AFF3: variants seen among roughly 807,000 people sequenced by gnomAD.
The protein encoded by AFF3 is AF4/FMR2 family member 3.
AFF3 carries 32 observed loss-of-function variants against 129.7 expected under a neutral mutation model. The ratio of observed to expected loss-of-function variants is 0.25; its 90% CI spans 0.19 to 0.33. The LOEUF (loss-of-function observed/expected upper bound fraction) is 0.33, where lower values mean the gene tolerates loss of function less well. Ranked by LOEUF, AFF3 falls within the 10% of genes least tolerant of loss-of-function variation. AFF3 has a pLI of 1.00. For synonymous variants in AFF3, 644 were observed against 635.4 expected (o/e 1.01, Z -0.20); for missense variants, 1,373 against 1,592.0 (o/e 0.86, Z 2.34).
intron 1 of AFF3, among the ~76,000 whole-genome samples, chr2:100,135,563 C>A (rs1025222395): frequency 6.6e-6 from 1 of 152,156 alleles, no homozygotes; most frequent in African/African-American, 2.4e-5. Flanking sequence ...AGGCACCAGA[C>A]GTGTGAGTGG....
At chr2:99,579,276 A>G (rs182473000) in intron 17 of AFF3, among the ~76,000 whole-genome samples, 2 of 152,084 alleles carry the variant, frequency 1.3e-5, no homozygotes, top group African/African-American at 2.4e-5. Context: ...GTGGTGATAC[A>G]TGCCTGCAAT....
At chr2:100,026,716 A>T (rs958084898) in intron 4 of AFF3, among the ~76,000 whole-genome samples, 4 of 145,862 alleles carry the variant, frequency 2.7e-5, no homozygotes, top group South Asian at 2.1e-4. Context: ...TATATATATA[A>T]ATATATATAT....
chr2:99,734,855 T>G (rs1185059351), intron 10 of AFF3, among the ~76,000 whole-genome samples: 1 of 152,136 alleles, frequency 6.6e-6, no homozygotes. Flanking sequence ...TTGTCAAGTT[T>G]TGATATCAAG....
intron 10 of AFF3, among the ~76,000 whole-genome samples, chr2:99,730,498 A>G (rs985496946): frequency 2.7e-4 from 41 of 151,682 alleles, no homozygotes; most frequent in South Asian, 2.3e-3. Flanking sequence ...TGCACAGGGA[A>G]GTTTTGCTAT....
chr2:99,959,798 C>T (rs1404653721), intron 7 of AFF3, among the ~76,000 whole-genome samples: 1 of 151,596 alleles, frequency 6.6e-6, no homozygotes, highest in East Asian at 1.9e-4. Flanking sequence ...ACACAGCCCG[C>T]TCTTGCTAAA....
intron 8 of AFF3, among the ~76,000 whole-genome samples, chr2:99,808,631 T>C (rs1033833064): frequency 1.3e-5 from 2 of 152,182 alleles, no homozygotes; most frequent in African/African-American, 4.8e-5. Context: ...ACAAGGCTTA[T>C]TTAACAGAAT....
intron 11 of AFF3, among the ~76,000 whole-genome samples, chr2:99,708,829 C>G (rs1677643611): frequency 6.6e-6 from 1 of 151,898 alleles, no homozygotes; most frequent in Non-Finnish European, 1.5e-5. Context: ...CTAAAGAAAC[C>G]CAGGAGGGCG....
intron 21 of AFF3, 152 bp from the exon 22 acceptor site, chr2:99,559,120 AG>A: frequency 1.6e-6 from 1 of 639,420 alleles, no homozygotes; most frequent in Non-Finnish European, 2.7e-6. Flanking sequence ...AATGTCTGTG[AG>A]GGAACATCTT....
chr2:99,783,775 C>G (rs547904962), intron 8 of AFF3, among the ~76,000 whole-genome samples: 62 of 152,290 alleles, frequency 4.1e-4, no homozygotes, highest in African/African-American at 1.0e-3. Flanking sequence ...AGGTATATAT[C>G]CAGCCACTTT....
At chr2:99,720,726 C>G (rs1199530057) in intron 11 of AFF3, among the ~76,000 whole-genome samples, 7 of 152,128 alleles carry the variant, frequency 4.6e-5, no homozygotes, top group African/African-American at 1.7e-4. Flanking sequence ...TTCTTTCCCG[C>G]CATCTTTTAT....
At chr2:100,127,804 C>T (rs1369895285) in intron 2 of AFF3, among the ~76,000 whole-genome samples, 2 of 152,116 alleles carry the variant, frequency 1.3e-5, no homozygotes, top group Admixed American at 6.5e-5. Context: ...GTGTCAGAGG[C>T]GTGTGAACCA....
intron 7 of AFF3, among the ~76,000 whole-genome samples, chr2:99,922,780 G>GT (rs1695943442): frequency 6.6e-6 from 1 of 152,150 alleles, no homozygotes; most frequent in Non-Finnish European, 1.5e-5. Context: ...TTTGAGAAGT[G>GT]TTTTTTCCTT....
chr2:100,138,506 C>G (rs1049598221), intron 1 of AFF3, among the ~76,000 whole-genome samples: 6 of 152,182 alleles, frequency 3.9e-5, no homozygotes, highest in Non-Finnish European at 7.3e-5. Flanking sequence ...TAGCCTGATT[C>G]AGTTTCTGTC....
At chr2:99,632,489 G>A (rs915350795) in intron 13 of AFF3, among the ~76,000 whole-genome samples, 2 of 152,122 alleles carry the variant, frequency 1.3e-5, no homozygotes, top group African/African-American at 4.8e-5. Flanking sequence ...CTGGGGTGAC[G>A]GCAGCTATGG....
At chr2:100,105,404 C>T (rs1691210197) in intron 3 of AFF3, 100 bp downstream of exon 3, 6 of 1,304,484 alleles carry the variant, frequency 4.6e-6, no homozygotes, top group Non-Finnish European at 6.1e-6. Flanking sequence ...CTCTTCCACC[C>T]GGACCTGCTC....
chr2:100,048,261 A>G (rs1361417439), intron 4 of AFF3, among the ~76,000 whole-genome samples: 1 of 152,240 alleles, frequency 6.6e-6, no homozygotes, highest in East Asian at 1.9e-4. Flanking sequence ...ACAAATGTTA[A>G]TTATAGAGAA....
At chr2:99,661,144 A>C (rs887850898) in intron 12 of AFF3, among the ~76,000 whole-genome samples, 1 of 152,188 alleles carries the variant, frequency 6.6e-6, no homozygotes, top group Non-Finnish European at 1.5e-5. Context: ...AAAGCTACTG[A>C]AGAAAAAAAC....
chr2:100,017,650 T>C (rs1439716810), intron 4 of AFF3, among the ~76,000 whole-genome samples: 4 of 152,220 alleles, frequency 2.6e-5, no homozygotes, highest in East Asian at 1.9e-4. Context: ...ATCTGGCCCA[T>C]GTTAAATGTT....
At chr2:100,065,397 C>A (rs772696004) in intron 4 of AFF3, among the ~76,000 whole-genome samples, 8 of 152,098 alleles carry the variant, frequency 5.3e-5, no homozygotes, top group Admixed American at 4.6e-4. Flanking sequence ...GTTCTTCTTA[C>A]GCATGCATTT....
Sources: gnomAD v4.1 joint callset for allele counts (sites outside exome capture counted in the v4.1 genomes callset) on GRCh38, gnomAD v4.1.1 for gene constraint, MANE v1.5 for transcripts, NCBI Gene and HGNC (gene_info 2026-07-23, HGNC 2026-07-21) for gene names.